ETV7: variants seen among roughly 807,000 people sequenced by gnomAD.
The protein encoded by ETV7 is ETS variant transcription factor 7.
In ETV7, 43 loss-of-function variants were observed where a neutral mutation model predicts 39.1. The ratio of observed to expected loss-of-function variants is 1.10; its 90% CI spans 0.86 to 1.42. ETV7 has a LOEUF of 1.42. Ranked by LOEUF, ETV7 falls within the 40% of genes most tolerant of loss-of-function variation. The pLI, the probability that ETV7 is intolerant of heterozygous loss-of-function variation, is 0.00. For missense variants in ETV7, 432 were observed against 442.3 expected (o/e 0.98, Z 0.21); for synonymous variants, 196 against 176.6 (o/e 1.11, Z -0.87).
chr6:36,361,527 C>T (rs1159918816), downstream of ETV7, among the ~76,000 whole-genome samples: 1 of 152,144 alleles, frequency 6.6e-6, no homozygotes, highest in Non-Finnish European at 1.5e-5. Context: ...AGGATGGGTC[C>T]CCAGCATCAG....
chr6:36,362,251 G>A (rs538157237), downstream of ETV7, among the ~76,000 whole-genome samples: 56 of 152,022 alleles, frequency 3.7e-4, no homozygotes, highest in African/African-American at 1.2e-3. Context: ...GCAGCGAGCC[G>A]AGATCGCGCC....
Position 36,371,373 on chromosome 6 carries a change from G to T in ETV7, c.621C>A (p.Ser207=). 6.2e-7 allele frequency: 1 copy of T among 1,601,490 alleles called. No homozygotes were observed. The highest frequency in any genetic ancestry group is 8.5e-7 in the Non-Finnish European group (1 of 1,173,198). Residue 207 remains serine, a synonymous_variant, in exon 5 of 8, where the codon TCC becomes TCA. Coordinates refer to ENST00000340181, the MANE Select transcript of ETV7 (RefSeq NM_016135.4). ...TGGGGGCCTGCGGCATCGCGGGGAA[G>T]GAACAGACCCCCTGGGTCCTGCAGC... ...ELGCRTQGVC[S]FPAMPQAPID...
rs985862597 is a variant in ETV7 at position 36,387,385 on chromosome 6, T to C, written c.6+151A>G. The C allele has an allele frequency of 3.8e-5, 43 of 1,117,872 alleles. No homozygotes were observed. The South Asian group carries it at 5.0e-4, about 13-fold the overall frequency. 69.2% of individuals were successfully genotyped at this position (1,117,872 alleles called of 1,614,324 possible). On this transcript the variant is annotated intron_variant, in intron 1 of 7. Transcript: ENST00000340181. ...GGTGGAAGGGGAAGTGAGTGAGGGA[T>C]GGATGTGAGGTTTAGGAATGTGTTG...
intron 4 of ETV7, among the ~76,000 whole-genome samples, chr6:36,372,870 T>G (rs75658816): frequency 0.056 from 8,425 of 150,468 alleles, 284 homozygotes; most frequent in Middle Eastern, 0.096. Flanking sequence ...CCACATGGTG[T>G]TTAAGACCCA....
chr6:36,369,296 G>A (rs1244747643), intron 5 of ETV7, among the ~76,000 whole-genome samples: 2 of 152,166 alleles, frequency 1.3e-5, no homozygotes, highest in Non-Finnish European at 2.9e-5. Flanking sequence ...CCCAGGAAGA[G>A]GTGAGGAAAT....
downstream of ETV7, among the ~76,000 whole-genome samples, chr6:36,365,562 T>C (rs1772681891): frequency 6.6e-6 from 1 of 152,046 alleles, no homozygotes; most frequent in African/African-American, 2.4e-5. Context: ...AAGCCACAAG[T>C]GTGGGGACGG....
In ETV7 at chr6:36,384,232, G is replaced by A. The variant is rs139441523; in HGVS notation, c.142+1302C>T. On this transcript the variant is annotated intron_variant, in intron 2 of 7. Transcript: ENST00000340181. ...AATCTAACCCAAGGCAACAGAACTG[G>A]TAGCTCAGGAGTTCTAATCTAGGAG... Among the ~76,000 whole-genome samples, 187 of 152,310 alleles carry A rather than the reference G, an allele frequency of 1.2e-3. 1 individual carries two copies. The highest frequency in any genetic ancestry group is 2.0e-3 in the Non-Finnish European group (139 of 68,030).
chr6:36,365,015 CA>C (rs1380282580), downstream of ETV7, among the ~76,000 whole-genome samples: 5 of 152,188 alleles, frequency 3.3e-5, no homozygotes, highest in African/African-American at 1.2e-4. Flanking sequence ...CCCCAAAGTC[CA>C]AGAGTCCTTA....
chr6:36,357,090 A>G (rs560941326), intron 7 of ETV7, among the ~76,000 whole-genome samples: 68 of 152,320 alleles, frequency 4.5e-4, no homozygotes, highest in African/African-American at 1.6e-3. Context: ...GGAGAAACCT[A>G]TGTTTTAATC....
chr6:36,378,398 T>C (rs1222951590), intron 2 of ETV7, among the ~76,000 whole-genome samples: 1 of 152,072 alleles, frequency 6.6e-6, no homozygotes, highest in Non-Finnish European at 1.5e-5. Context: ...AAAAACCAAA[T>C]GCACTCAATA....
downstream of ETV7, among the ~76,000 whole-genome samples, chr6:36,362,347 C>T (rs560678521): frequency 6.9e-4 from 105 of 152,096 alleles, 1 homozygote; most frequent in South Asian, 0.021. Flanking sequence ...CCTGTAGTCC[C>T]AGCTACTCGG....
chr6:36,375,891 C>T lies in ETV7; in HGVS notation c.287G>A (p.Arg96Gln), dbSNP rs79496316. ...CTGACCTGAGCTGGGCGCACGGTGC[C>T]GGAAGTCGTCCTTGGTGAGGATGCA... ...ALCILTKDDF[R>Q]HRAPSSGDVL... is the part of the protein sequence containing the mutation. Residue 96 changes from arginine to glutamine, a missense_variant, in exon 3 of 8, where the codon CGG (arginine) becomes CAG (glutamine). Transcript: ENST00000340181. 6.6e-5 allele frequency: 107 copies of T among 1,614,034 alleles called. 1 individual carries two copies. Among genetic ancestry groups the T allele is most frequent in the Admixed American group, 3.0e-4 (18 of 60,032 alleles).
intron 2 of ETV7, among the ~76,000 whole-genome samples, chr6:36,381,697 A>G (rs777906454): frequency 9.2e-5 from 14 of 152,134 alleles, no homozygotes; most frequent in Non-Finnish European, 2.1e-4. Context: ...CTTGGTAATC[A>G]CACCAAGCTT....
At chr6:36,376,846 T>A (rs927580156) in intron 2 of ETV7, among the ~76,000 whole-genome samples, 6 of 151,490 alleles carry the variant, frequency 4.0e-5, no homozygotes, top group Admixed American at 2.6e-4. Flanking sequence ...TCCCAGAGGT[T>A]AAGTGACTAG....
chr6:36,367,269 CCT>C (rs1772773803), intron 6 of ETV7, among the ~76,000 whole-genome samples: 1 of 152,070 alleles, frequency 6.6e-6, no homozygotes, highest in Non-Finnish European at 1.5e-5. Flanking sequence ...ATGGTGAAAC[CCT>C]GTCTCTACTA....
intron 7 of ETV7, among the ~76,000 whole-genome samples, chr6:36,360,124 C>T (rs548453904): frequency 1.3e-5 from 2 of 152,238 alleles, no homozygotes; most frequent in African/African-American, 2.4e-5. Flanking sequence ...ATTTCTTGAC[C>T]TCGTAATCCG....
At chr6:36,373,790 A>G (rs1187313087) in intron 3 of ETV7, among the ~76,000 whole-genome samples, 1 of 152,220 alleles carries the variant, frequency 6.6e-6, no homozygotes, top group African/African-American at 2.4e-5. Context: ...TGAATTTTAG[A>G]AAGACATCCT....
At chr6:36,371,022 G>T (rs1772988750) in intron 5 of ETV7, among the ~76,000 whole-genome samples, 1 of 152,204 alleles carries the variant, frequency 6.6e-6, no homozygotes. Context: ...CATAGTGAAT[G>T]CTCAATTATT....
downstream of ETV7, among the ~76,000 whole-genome samples, chr6:36,363,474 A>G (rs13196008): frequency 5.3e-3 from 489 of 91,498 alleles, 5 homozygotes; most frequent in South Asian, 0.041. Flanking sequence ...GGAGTCATTC[A>G]TTCCTCCCGG....
Sources: gnomAD v4.1 joint callset for allele counts (sites outside exome capture counted in the v4.1 genomes callset) on GRCh38, gnomAD v4.1.1 for gene constraint, MANE v1.5 for transcripts, NCBI Gene and HGNC (gene_info 2026-07-23, HGNC 2026-07-21) for gene names.